ANTXR1: variants seen among roughly 807,000 people sequenced by gnomAD.
ANTXR1 encodes the protein ANTXR cell adhesion molecule 1, also known as anthrax toxin receptor 1.
In ANTXR1, 19 loss-of-function variants were observed where a neutral mutation model predicts 78.1. The ratio of observed to expected loss-of-function variants is 0.24; its 90% confidence interval spans 0.17 to 0.36. ANTXR1 has a LOEUF of 0.36. ANTXR1 is among the 10% of genes least tolerant of loss of function. ANTXR1 has a pLI of 1.00. For synonymous variants in ANTXR1, 273 were observed against 260.5 expected (o/e 1.05, Z -0.46); for missense variants, 518 against 718.6 (o/e 0.72, Z 3.19).
chr2:69,055,147 A>G (rs536849316), intron 3 of ANTXR1, among the ~76,000 whole-genome samples: 1 of 152,296 alleles, frequency 6.6e-6, no homozygotes, highest in African/African-American at 2.4e-5. Context: ...CAGCTAAGGA[A>G]TGGCCCCAAA....
intron 1 of ANTXR1, among the ~76,000 whole-genome samples, chr2:69,015,706 TAAGG>T (rs1671006537): frequency 6.6e-6 from 1 of 151,992 alleles, no homozygotes; most frequent in African/African-American, 2.4e-5. Context: ...TAAAACATGA[TAAGG>T]AAGAAACCAT....
chr2:69,157,697 C>G (rs896670026), intron 13 of ANTXR1, among the ~76,000 whole-genome samples: 5 of 152,190 alleles, frequency 3.3e-5, no homozygotes, highest in Non-Finnish European at 7.3e-5. Flanking sequence ...GTGTCTGTCA[C>G]TCAGTAGTTG....
intron 3 of ANTXR1, among the ~76,000 whole-genome samples, chr2:69,060,659 G>A (rs1670207593): frequency 6.6e-6 from 1 of 152,206 alleles, no homozygotes; most frequent in Admixed American, 6.5e-5. Flanking sequence ...GACATCAACT[G>A]TGTCTTATGC....
chr2:69,214,302 G>A (rs931341675), intron 17 of ANTXR1, among the ~76,000 whole-genome samples: 2 of 152,216 alleles, frequency 1.3e-5, no homozygotes, highest in Non-Finnish European at 2.9e-5. Context: ...TGTGGGACAA[G>A]AAGACAAGTG....
intron 10 of ANTXR1, among the ~76,000 whole-genome samples, chr2:69,117,622 G>A (rs1672191447): frequency 6.6e-6 from 1 of 152,172 alleles, no homozygotes. Flanking sequence ...ACATTTTAAT[G>A]TTTAATCCCT....
chr2:69,238,861 C>T (rs1573998052), intron 17 of ANTXR1, among the ~76,000 whole-genome samples: 1 of 152,204 alleles, frequency 6.6e-6, no homozygotes, highest in African/African-American at 2.4e-5. Flanking sequence ...TTGGTTTAAT[C>T]TGTGGAAGCC....
chr2:69,027,739 G>A (rs1406661012), intron 1 of ANTXR1, among the ~76,000 whole-genome samples: 1 of 149,786 alleles, frequency 6.7e-6, no homozygotes, highest in Non-Finnish European at 1.5e-5. Context: ...CAAAAGTTTA[G>A]CACCTTAAGA....
intron 10 of ANTXR1, among the ~76,000 whole-genome samples, chr2:69,118,136 C>T (rs1315409591): frequency 6.6e-6 from 1 of 151,892 alleles, no homozygotes; most frequent in Non-Finnish European, 1.5e-5. Context: ...TTTGGCTAGG[C>T]CCAGTGGCTC....
chr2:69,228,534 G>A (rs1244293540), intron 17 of ANTXR1, among the ~76,000 whole-genome samples: 1 of 151,636 alleles, frequency 6.6e-6, no homozygotes, highest in Non-Finnish European at 1.5e-5. Context: ...AAATTACGCA[G>A]CCCCTGAGCC....
chr2:69,144,461 T>A (rs547654113), intron 12 of ANTXR1, among the ~76,000 whole-genome samples: 1 of 152,298 alleles, frequency 6.6e-6, no homozygotes, highest in Admixed American at 6.5e-5. Context: ...TCCAAAGTGC[T>A]TCATAGGCAC....
intron 12 of ANTXR1, among the ~76,000 whole-genome samples, chr2:69,137,822 G>A (rs1446628738): frequency 6.7e-6 from 1 of 148,778 alleles, no homozygotes; most frequent in Non-Finnish European, 1.5e-5. Context: ...CGGTGGCTCC[G>A]CCTATAATCC....
At chr2:69,168,879 C>T (rs1464399663) in intron 13 of ANTXR1, among the ~76,000 whole-genome samples, 2 of 152,208 alleles carry the variant, frequency 1.3e-5, no homozygotes, top group Non-Finnish European at 2.9e-5. Flanking sequence ...AGTTTGAAAC[C>T]CCTGGAGGCC....
chr2:69,160,280 C>G (rs1309993845), intron 13 of ANTXR1, among the ~76,000 whole-genome samples: 2 of 152,164 alleles, frequency 1.3e-5, no homozygotes, highest in African/African-American at 2.4e-5. Context: ...TGTGGGCTGC[C>G]TGATAACCCC....
chr2:69,035,224 G>T (rs944709877), intron 1 of ANTXR1, among the ~76,000 whole-genome samples: 4 of 152,124 alleles, frequency 2.6e-5, no homozygotes, highest in Non-Finnish European at 4.4e-5. Context: ...GGGATTGGTG[G>T]GTGGTGGTGA....
At chr2:69,072,138 C>A (rs543616516) in intron 5 of ANTXR1, among the ~76,000 whole-genome samples, 2 of 152,212 alleles carry the variant, frequency 1.3e-5, no homozygotes, top group South Asian at 4.1e-4. Flanking sequence ...TTTTGTTGTT[C>A]TTCTCTGAGC....
intron 14 of ANTXR1, among the ~76,000 whole-genome samples, chr2:69,180,031 T>C (rs1674234229): frequency 6.6e-6 from 1 of 152,168 alleles, no homozygotes; most frequent in African/African-American, 2.4e-5. Flanking sequence ...TAGTCTGCTG[T>C]GACCTCTCTG....
chr2:69,222,846 C>T (rs1558656618), intron 17 of ANTXR1, among the ~76,000 whole-genome samples: 1 of 152,216 alleles, frequency 6.6e-6, no homozygotes. Flanking sequence ...TCGCATGGCC[C>T]AGAACCTTCT....
intron 17 of ANTXR1, among the ~76,000 whole-genome samples, chr2:69,194,808 G>A (rs960738064): frequency 2.0e-5 from 3 of 152,176 alleles, no homozygotes; most frequent in Admixed American, 6.5e-5. Context: ...AGCCGAGATC[G>A]CACCACTGCT....
chr2:69,101,731 T>G (rs762543140), intron 9 of ANTXR1, among the ~76,000 whole-genome samples: 9 of 152,246 alleles, frequency 5.9e-5, no homozygotes, highest in Non-Finnish European at 1.3e-4. Flanking sequence ...CTGTGTAAGA[T>G]CCATATTCAC....
Sources: allele counts gnomAD v4.1 joint callset (sites outside exome capture counted in the v4.1 genomes callset), GRCh38; gene constraint gnomAD v4.1.1; transcripts MANE v1.5; gene names NCBI Gene and HGNC (gene_info 2026-07-23, HGNC 2026-07-21).